The following DTNB variants were observed in gnomAD, a reference collection of about 807,000 sequenced individuals.
DTNB encodes the protein DTN-B.
In DTNB, 63 loss-of-function variants were observed where a neutral mutation model predicts 90.7. That is an observed-to-expected ratio of 0.69 (90% CI 0.57 to 0.86). DTNB has a LOEUF of 0.86. Ranked by LOEUF, DTNB falls within the 40% of genes least tolerant of loss-of-function variation. The pLI, the probability that DTNB is intolerant of heterozygous loss-of-function variation, is 0.00. For missense variants in DTNB, 744 were observed against 807.1 expected, an observed-to-expected ratio of 0.92 and a Z score of 0.95; for synonymous variants, 277 against 286.7, an observed-to-expected ratio of 0.97 and a Z score of 0.34.
chr2:25,599,274 G>A (rs2065300157), intron 5 of DTNB, among the ~76,000 whole-genome samples: 1 of 151,610 alleles, frequency 6.6e-6, no homozygotes, highest in African/African-American at 2.4e-5. Flanking sequence ...GACAAATCCT[G>A]ATTGACATAA....
chr2:25,526,389 ATATATAT>A (rs1297426424), intron 9 of DTNB, among the ~76,000 whole-genome samples: 69 of 58,776 alleles, frequency 1.2e-3, no homozygotes, highest in Admixed American at 7.1e-3. Context: ...ATATATATAT[ATATATAT>A]TTTTTTTTTT....
chr2:25,571,892 C>T (rs1208321571), intron 8 of DTNB, among the ~76,000 whole-genome samples: 2 of 152,006 alleles, frequency 1.3e-5, no homozygotes, highest in Non-Finnish European at 2.9e-5. Flanking sequence ...ACAACATACC[C>T]TCCTTGTGGC....
chr2:25,669,353 T>G (rs1443304056), intron 1 of DTNB, among the ~76,000 whole-genome samples: 1 of 152,226 alleles, frequency 6.6e-6, no homozygotes, highest in Non-Finnish European at 1.5e-5. Context: ...TTGTATCTTT[T>G]CATTATACCA....
At chr2:25,672,423 G>A (rs1328946963) in intron 1 of DTNB, among the ~76,000 whole-genome samples, 1 of 152,044 alleles carries the variant, frequency 6.6e-6, no homozygotes, top group Non-Finnish European at 1.5e-5. Flanking sequence ...AATAGTCATG[G>A]AGCTTATTTC....
rs574957661 is a variant in DTNB, at chr2:25,640,782, G to A, written c.68-1688C>T. 2.6e-3 allele frequency among the ~76,000 whole-genome samples: 399 copies of A among 151,958 alleles called. 2 individuals carry two copies. Among genetic ancestry groups the A allele is most frequent in the African/African-American group, 7.9e-3 (327 of 41,436 alleles). On this transcript the variant is annotated intron_variant, in intron 2 of 20. Transcript: ENST00000406818. ...AGCACTTTGGGAGGCTGAGGCGGGC[G>A]GATCACAAGGTCAGGAGATCAAGAC...
At chr2:25,646,015 A>T (rs1443903276) in intron 2 of DTNB, among the ~76,000 whole-genome samples, 1 of 152,160 alleles carries the variant, frequency 6.6e-6, no homozygotes, top group African/African-American at 2.4e-5. Context: ...ATGTAAACCA[A>T]AAATAACTCT....
intron 16 of DTNB, among the ~76,000 whole-genome samples, chr2:25,405,957 T>A (rs1290830141): frequency 6.6e-6 from 1 of 151,916 alleles, no homozygotes; most frequent in Non-Finnish European, 1.5e-5. Context: ...GAGGCTGGAA[T>A]GGGGTATAGG....
At chr2:25,449,471 A>C (rs1270698537) in intron 12 of DTNB, among the ~76,000 whole-genome samples, 1 of 152,188 alleles carries the variant, frequency 6.6e-6, no homozygotes, top group African/African-American at 2.4e-5. Context: ...TGGTTGCTCC[A>C]CATCCTCTCC....
At chr2:25,660,989 A>G (rs1217196189) in intron 1 of DTNB, among the ~76,000 whole-genome samples, 1 of 152,242 alleles carries the variant, frequency 6.6e-6, no homozygotes, top group African/African-American at 2.4e-5. Context: ...TTTTGCCAAC[A>G]GCATGGGTAT....
chr2:25,482,342 T>C (rs1403687070), intron 10 of DTNB, among the ~76,000 whole-genome samples: 1 of 152,212 alleles, frequency 6.6e-6, no homozygotes, highest in South Asian at 2.1e-4. Context: ...TAAATGTTTA[T>C]AAATCATACA....
chr2:25,441,174 G>A (rs528669785), intron 12 of DTNB, among the ~76,000 whole-genome samples: 17 of 152,280 alleles, frequency 1.1e-4, no homozygotes, highest in South Asian at 1.0e-3. Context: ...AGAGCAAGCC[G>A]AAACTTTCAG....
In DTNB at chr2:25,388,078, C is replaced by T. The variant is rs1287654153; in HGVS notation, c.1735+124G>A. On this transcript the variant is annotated intron_variant, in intron 17 of 20. Coordinates refer to ENST00000406818, the MANE Select transcript of DTNB (RefSeq NM_021907.5). ...CCAGCACCTGACTTATTTACACTGT[C>T]TGTCAAAATCTGATCATTCCAAGCA... The T allele has an allele frequency of 2.8e-6, 4 of 1,453,670 alleles. No individual in the cohort carries two copies. In the African/African-American group the frequency reaches 4.2e-5, roughly 15 times the overall value. 90.0% of individuals were successfully genotyped at this position (1,453,670 alleles called of 1,614,324 possible). A position where few individuals can be genotyped will look rare whatever the true frequency, so the allele number is the denominator to read the frequency against.
chr2:25,398,444 T>C (rs2042932345), intron 16 of DTNB, among the ~76,000 whole-genome samples: 1 of 152,170 alleles, frequency 6.6e-6, no homozygotes, highest in African/African-American at 2.4e-5. Context: ...CCTCCGTGAA[T>C]TCTGGTTTGT....
At chr2:25,539,708 A>G (rs1407153574) in intron 8 of DTNB, among the ~76,000 whole-genome samples, 1 of 151,752 alleles carries the variant, frequency 6.6e-6, no homozygotes, top group Non-Finnish European at 1.5e-5. Context: ...GTTTTTGATG[A>G]ACATCTTTAA....
At chr2:25,454,143 C>CT (rs2059666989) in intron 11 of DTNB, among the ~76,000 whole-genome samples, 1 of 147,242 alleles carries the variant, frequency 6.8e-6, no homozygotes, top group African/African-American at 2.5e-5. Context: ...CAGTGAGACT[C>CT]TGTCTCAAAA....
intron 9 of DTNB, among the ~76,000 whole-genome samples, chr2:25,494,848 G>C (rs775084384): frequency 2.0e-5 from 3 of 151,652 alleles, no homozygotes; most frequent in Non-Finnish European, 4.4e-5. Flanking sequence ...TATTCCTCCC[G>C]GAACATCACA....
intron 3 of DTNB, among the ~76,000 whole-genome samples, chr2:25,634,504 T>C (rs2076687315): frequency 6.8e-6 from 1 of 148,098 alleles, no homozygotes; most frequent in African/African-American, 2.5e-5. Flanking sequence ...CGGCTGCCCC[T>C]ACTGGGAAGT....
chr2:25,583,118 G>A (rs1276310513), intron 6 of DTNB, among the ~76,000 whole-genome samples: 2 of 151,742 alleles, frequency 1.3e-5, no homozygotes, highest in South Asian at 2.1e-4. Context: ...GTGGTGGCGG[G>A]TGCCTGTAAT....
In DTNB at chr2:25,628,271, T is replaced by TG; in HGVS notation, c.261dup (p.Ile88HisfsTer16). 3 of 1,612,918 alleles carry TG rather than the reference T, an allele frequency of 1.9e-6. No homozygotes were observed. Among genetic ancestry groups the TG allele is most frequent in the Non-Finnish European group, 2.5e-6 (3 of 1,179,730 alleles). Reference sequence around the variant, plus strand: ...AGGCGCTTGTTCAACTGATAGTAGATGGAGGAGATGACAGTTTCGAGGCGG... The same window carrying TG: ...AGGCGCTTGTTCAACTGATAGTAGATGGGAGGAGATGACAGTTTCGAGGCGG... On this transcript the variant is annotated frameshift_variant, in exon 4 of 21. Coordinates refer to ENST00000406818, the MANE Select transcript of DTNB (RefSeq NM_021907.5). LOFTEE classifies it high-confidence loss of function.
Sources: allele counts gnomAD v4.1 joint callset (sites outside exome capture counted in the v4.1 genomes callset), GRCh38; gene constraint gnomAD v4.1.1; transcripts MANE v1.5; gene names NCBI Gene and HGNC (gene_info 2026-07-23, HGNC 2026-07-21).